Variants in CNOT4 observed in about 807,000 individuals in gnomAD.
CNOT4 encodes CCR4-NOT transcription complex subunit 4.
In CNOT4, 8 loss-of-function variants were observed where a neutral mutation model predicts 73.8. That is an observed-to-expected ratio of 0.11 (90% CI 0.06 to 0.20). The LOEUF is 0.20. CNOT4 is among the 10% of genes least tolerant of loss of function. The pLI, the probability that CNOT4 is intolerant of heterozygous loss-of-function variation, is 1.00. For missense variants in CNOT4, 564 were observed against 883.4 expected (o/e 0.64, Z 4.58); for synonymous variants, 293 against 321.1 (o/e 0.91, Z 0.94).
intron 1 of CNOT4, among the ~76,000 whole-genome samples, chr7:135,492,165 G>C (rs1302760187): frequency 6.6e-6 from 1 of 152,170 alleles, no homozygotes. Flanking sequence ...AGTCATCTAT[G>C]AGAGGGGAGA....
At chr7:135,391,660 C>G (rs947713991) in intron 10 of CNOT4, among the ~76,000 whole-genome samples, 6 of 151,982 alleles carry the variant, frequency 3.9e-5, no homozygotes, top group African/African-American at 1.4e-4. Context: ...CTACTTTAGA[C>G]GAAGATTTTA....
chr7:135,473,817 C>G (rs1278189142), intron 1 of CNOT4, among the ~76,000 whole-genome samples: 2 of 152,042 alleles, frequency 1.3e-5, no homozygotes, highest in African/African-American at 4.8e-5. Flanking sequence ...TGGTGACTGT[C>G]AAATTGCAGG....
At chr7:135,453,989 C>CATATATAT (rs371504271) in intron 1 of CNOT4, among the ~76,000 whole-genome samples, 1,971 of 133,952 alleles carry the variant, frequency 0.015, 16 homozygotes, top group Admixed American at 0.017. Context: ...AATATATATA[C>CATATATAT]ATATATATAT....
At chr7:135,401,897 T>C (rs1038505452) in intron 7 of CNOT4, among the ~76,000 whole-genome samples, 1 of 152,114 alleles carries the variant, frequency 6.6e-6, no homozygotes, top group African/African-American at 2.4e-5. Flanking sequence ...ATGCAGTTCA[T>C]TGAAAAGTAC....
At chr7:135,482,400 T>A (rs1437550611) in intron 1 of CNOT4, among the ~76,000 whole-genome samples, 3 of 149,958 alleles carry the variant, frequency 2.0e-5, no homozygotes, top group Non-Finnish European at 4.4e-5. Flanking sequence ...CAAAAAAAAA[T>A]TAAAAATCGG....
chr7:135,497,992 T>G (rs968190492), intron 1 of CNOT4, among the ~76,000 whole-genome samples: 3 of 152,240 alleles, frequency 2.0e-5, no homozygotes, highest in African/African-American at 7.2e-5. Context: ...TGCCAAACAC[T>G]ATTCCAAGCA....
At chr7:135,431,514 C>T (rs772805466) in intron 2 of CNOT4, among the ~76,000 whole-genome samples, 21 of 152,028 alleles carry the variant, frequency 1.4e-4, no homozygotes, top group Admixed American at 5.2e-4. Context: ...GAGGCCAAGG[C>T]GGGTGGATCA....
chr7:135,419,320 C>G (rs1040151955), intron 3 of CNOT4, among the ~76,000 whole-genome samples: 3 of 152,144 alleles, frequency 2.0e-5, no homozygotes, highest in Non-Finnish European at 4.4e-5. Context: ...AAGTAAATTA[C>G]AAGGATCCTT....
At chr7:135,402,069 T>C (rs1338445042) in intron 7 of CNOT4, among the ~76,000 whole-genome samples, 1 of 152,088 alleles carries the variant, frequency 6.6e-6, no homozygotes, top group African/African-American at 2.4e-5. Flanking sequence ...TTTTTTAAAG[T>C]TTCAGTCCTA....
chr7:135,384,208 C>G (rs1365815570), intron 10 of CNOT4: 1 of 154,718 alleles, frequency 6.5e-6, no homozygotes, highest in Non-Finnish European at 1.4e-5. Flanking sequence ...GCCATTTCAT[C>G]AATTCTCATC....
chr7:135,426,418 C>T (rs1422706024), intron 2 of CNOT4, among the ~76,000 whole-genome samples: 4 of 151,602 alleles, frequency 2.6e-5, no homozygotes, highest in African/African-American at 4.8e-5. Context: ...CTGGCTAACA[C>T]GGTGAAACCC....
chr7:135,370,951 T>C (rs1273838305), intron 10 of CNOT4, among the ~76,000 whole-genome samples: 1 of 152,168 alleles, frequency 6.6e-6, no homozygotes, highest in Non-Finnish European at 1.5e-5. Context: ...ATCAAAACTG[T>C]TTAAAGAAGG....
intron 10 of CNOT4, among the ~76,000 whole-genome samples, chr7:135,373,836 C>T (rs1279430994): frequency 6.6e-6 from 1 of 152,178 alleles, no homozygotes; most frequent in Non-Finnish European, 1.5e-5. Context: ...CCTGCCTTGC[C>T]TCCCAAAGCA....
At position 135,479,352 on chromosome 7, in the gene CNOT4, G is replaced by A. The variant is rs142958088; in HGVS notation, c.-93+30537C>T. 1.9e-3 allele frequency among the ~76,000 whole-genome samples: 280 copies of A among 151,212 alleles called. 1 individual carries two copies. The highest frequency in any genetic ancestry group is 6.9e-3 in the Middle Eastern group (2 of 290). ...GCCTCCCGAGTAGCTGGGACTACAG[G>A]AGCACACCACCATGCCCAGCTAATT... On this transcript the variant is annotated intron_variant, in intron 1 of 11. Coordinates refer to ENST00000541284, the MANE Select transcript of CNOT4 (RefSeq NM_001190850.2).
intron 1 of CNOT4, among the ~76,000 whole-genome samples, chr7:135,448,991 T>C (rs1028083400): frequency 1.3e-5 from 2 of 151,576 alleles, no homozygotes; most frequent in Non-Finnish European, 2.9e-5. Flanking sequence ...ATACACATAA[T>C]GGGAGTAGTA....
chr7:135,383,178 T>C (rs1795939647), intron 10 of CNOT4, among the ~76,000 whole-genome samples: 1 of 152,214 alleles, frequency 6.6e-6, no homozygotes, highest in African/African-American at 2.4e-5. Context: ...CTAATCCAAC[T>C]ATGTAAGAGC....
intron 10 of CNOT4, chr7:135,384,680 T>C (rs769422495): frequency 3.9e-6 from 3 of 765,330 alleles, no homozygotes; most frequent in Non-Finnish European, 7.2e-6. Flanking sequence ...TGAGCCTATC[T>C]TCTCTTCAGC....
chr7:135,393,976 G>T lies in CNOT4; in HGVS notation c.1569C>A (p.Phe523Leu), dbSNP rs1331755697. Residue 523 changes from phenylalanine (F) to leucine (L), a missense_variant, in exon 10 of 12, where the codon TTC (phenylalanine) becomes TTA (leucine). Phe to Leu is a conservative substitution (Grantham distance 22, BLOSUM62 0). Around this residue, in one of 10 missense-constraint regions of CNOT4, gnomAD observed 153 missense variants for 158.7 expected, o/e 0.96. Coordinates refer to ENST00000541284, the MANE Select transcript of CNOT4 (RefSeq NM_001190850.2). The part of the protein sequence containing the change: ...HTANPTSNSN[F>L]LDLNLPPQHN... The stretch of plus-strand genomic sequence containing the variant: ...GCTGTGGCGGGAGATTCAAGTCCAA[G>T]AAATTACTATTTGAGGTGGGGTTTG... The T allele has an allele frequency of 1.2e-6, 2 of 1,613,754 alleles. No homozygotes were observed. The highest frequency in any genetic ancestry group is 1.7e-6 in the Non-Finnish European group (2 of 1,179,806).
intron 10 of CNOT4, chr7:135,386,472 CA>C (rs780698920): frequency 3.9e-5 from 6 of 152,124 alleles, no homozygotes; most frequent in Non-Finnish European, 8.8e-5. Context: ...ATTTTGATTT[CA>C]ATTTGCTTGC....
Sources: gnomAD v4.1 joint callset for allele counts (sites outside exome capture counted in the v4.1 genomes callset) on GRCh38, gnomAD v4.1.1 for gene constraint, gnomAD v4.1.1 regional missense constraint, MANE v1.5 for transcripts, NCBI Gene and HGNC (gene_info 2026-07-23, HGNC 2026-07-21) for gene names.